MCMBP: variants seen among roughly 807,000 people sequenced by gnomAD.
MCMBP encodes minichromosome maintenance complex binding protein.
MCMBP carries 31 observed loss-of-function variants against 81.3 expected under a neutral mutation model. The observed-to-expected ratio is 0.38, with a 90% CI of 0.29 to 0.51. The LOEUF is 0.51. MCMBP is among the 20% of genes least tolerant of loss of function. The pLI is 0.87. For synonymous variants in MCMBP, 267 were observed against 275.9 expected (o/e 0.97, Z 0.32); for missense variants, 645 against 772.1 (o/e 0.84, Z 1.95).
At chr10:119,831,979 C>T (rs1319696627) in intron 15 of MCMBP, 33 bp downstream of exon 15, 3 of 1,577,778 alleles carry the variant, frequency 1.9e-6, no homozygotes, top group East Asian at 2.2e-5. Flanking sequence ...CACAAGCTTA[C>T]CGAAACAGCA....
intron 6 of MCMBP, among the ~76,000 whole-genome samples, chr10:119,850,747 T>TAAAAAAAAAAAAAAAAAAAGAAAA: frequency 8.5e-6 from 1 of 118,060 alleles, no homozygotes; most frequent in Non-Finnish European, 1.7e-5. Flanking sequence ...AGACTCCGTC[T>TAAAAAAAAAAAAAAAAAAAGAAAA]AAAAAAAAAA....
At chr10:119,834,797 G>C (rs1852178538) in intron 14 of MCMBP, among the ~76,000 whole-genome samples, 1 of 149,796 alleles carries the variant, frequency 6.7e-6, no homozygotes. Flanking sequence ...GGGGGGTTGA[G>C]GCTGCAGTGA....
chr10:119,838,744 T>C (rs765617004), intron 11 of MCMBP, 44 bp from the exon 12 acceptor site: 1 of 1,529,864 alleles, frequency 6.5e-7, no homozygotes, highest in African/African-American at 1.4e-5. Flanking sequence ...TAAGTTTCCC[T>C]GTTTTAAGAA....
chr10:119,858,090 T>C (rs1231874829), intron 4 of MCMBP: 1 of 152,238 alleles, frequency 6.6e-6, no homozygotes, highest in African/African-American at 2.4e-5. Flanking sequence ...TATTAATGAT[T>C]ACAGTATCCC....
At chr10:119,831,935 C>A in intron 15 of MCMBP, 77 bp downstream of exon 15, 1 of 1,354,480 alleles carries the variant, frequency 7.4e-7, no homozygotes, top group South Asian at 1.4e-5. Context: ...AGAATTCTGC[C>A]TCAGTTACTG....
At chr10:119,835,772 G>T in intron 13 of MCMBP, 68 bp from the exon 14 acceptor site, 2 of 1,501,916 alleles carry the variant, frequency 1.3e-6, no homozygotes, top group South Asian at 1.2e-5. Flanking sequence ...AAAGAAAGAT[G>T]CATCATCTCT....
intron 8 of MCMBP, among the ~76,000 whole-genome samples, chr10:119,846,100 C>T (rs750529030): frequency 5.9e-5 from 9 of 152,266 alleles, no homozygotes; most frequent in Middle Eastern, 3.4e-3. Context: ...CCAGTACCAA[C>T]GAGCACATCT....
In MCMBP at chr10:119,835,683, G is replaced by C; in HGVS notation, c.1564C>G (p.Gln522Glu). ...ATGTTTGGTGGAATTAGCTGGGGCT[G>C]TAAGTGAATCTGGCAGTCTGCCTGA... ...LLPADCQIHL[Q>E]PQLIPPNMEE... Residue 522 changes from glutamine to glutamate, a missense_variant, in exon 14 of 16, where the codon CAG becomes GAG. By Grantham distance (29) the Gln-to-Glu change is conservative. Transcript: ENST00000369077. 6.2e-7 allele frequency: 1 copy of C among 1,614,242 alleles called. No individual in the cohort carries two copies. Among genetic ancestry groups the C allele is most frequent in the Non-Finnish European group, 8.5e-7 (1 of 1,180,038 alleles).
chr10:119,864,651 T>G (rs1853388275), intron 1 of MCMBP, among the ~76,000 whole-genome samples: 1 of 152,154 alleles, frequency 6.6e-6, no homozygotes, highest in African/African-American at 2.4e-5. Flanking sequence ...TTTCATGGAT[T>G]TTTGTTCTCT....
rs180848431 is a variant in MCMBP at position 119,831,115 on chromosome 10, G to A, written c.*359C>T. 2.5e-3 allele frequency: 402 copies of A among 158,124 alleles called. 3 individuals are homozygous for A. Among genetic ancestry groups the A allele is most frequent in the Non-Finnish European group, 3.8e-3 (273 of 72,208 alleles). The allele number at this position is 158,124 out of a possible 1,614,324, so 9.8% of individuals were successfully genotyped here. A position where few individuals can be genotyped will look rare whatever the true frequency, so the allele number is the denominator to read the frequency against. ...GCACGATTCCTCTGACTTTGAAACT[G>A]CAACAACCTTCTTCATTTCAGCATT... On this transcript the variant is annotated 3_prime_UTR_variant, in exon 16 of 16. Transcript: ENST00000369077.
rs530283020 is a variant in MCMBP at position 119,839,492 on chromosome 10, T to C, written c.1243-792A>G. Among the ~76,000 whole-genome samples, 3 of 152,284 alleles carry C rather than the reference T, an allele frequency of 2.0e-5. No individual in the cohort carries two copies. The South Asian group carries it at 6.2e-4, about 32-fold the overall frequency. Reference sequence around the variant, plus strand: ...AGTGATTCTAAGAAAACGGGGAGCTTAGGGGTGCTTAAATGACCTACCATG... The same window carrying C: ...AGTGATTCTAAGAAAACGGGGAGCTCAGGGGTGCTTAAATGACCTACCATG... On this transcript the variant is annotated intron_variant, in intron 11 of 15. Transcript: ENST00000369077.
In MCMBP at chr10:119,866,192, A is replaced by G. The variant is rs926830504; in HGVS notation, c.59-6308T>C. ...GAAAAGAAGCCAGACCTCAAAGGCC[A>G]CATGTTGTATAATTCCACCTACACG... On this transcript the variant is annotated intron_variant, in intron 1 of 15. Transcript: ENST00000369077. Among the ~76,000 whole-genome samples, 24 of 152,328 alleles carry G rather than the reference A, an allele frequency of 1.6e-4. No individual in the cohort carries two copies. In the East Asian group the frequency reaches 4.6e-3, roughly 29 times the overall value.
In MCMBP at chr10:119,842,492, T is replaced by C; in HGVS notation, c.1104A>G (p.Ile368Met). The change falls in exon 10 of 16, where the codon ATA becomes ATG. Residue 368 changes from isoleucine (I) to methionine (M), a missense_variant. Ile to Met is a conservative substitution (Grantham distance 10, BLOSUM62 1). Coordinates refer to ENST00000369077, the MANE Select transcript of MCMBP (RefSeq NM_001256378.2). ...CTTACACTGTGGAGATGAGATGTAATATAAGGTATTCAGCAGCCAAACTAT... is the reference window on the plus strand; with the variant it reads ...CTTACACTGTGGAGATGAGATGTAACATAAGGTATTCAGCAGCCAAACTAT... ...LGDSLAAEYL[I>M]LHLISTVYTR... The C allele has an allele frequency of 6.2e-7, 1 of 1,613,598 alleles. No homozygotes were observed.
chr10:119,860,647 A>G (rs983630146), intron 1 of MCMBP, among the ~76,000 whole-genome samples: 1 of 152,204 alleles, frequency 6.6e-6, no homozygotes, highest in African/African-American at 2.4e-5. Context: ...TTTAGCTATC[A>G]GATCTCTTTA....
At chr10:119,849,799 T>TC (rs532925140) in intron 6 of MCMBP, among the ~76,000 whole-genome samples, 5 of 152,220 alleles carry the variant, frequency 3.3e-5, no homozygotes, top group African/African-American at 1.2e-4. Flanking sequence ...TACTTTTTTT[T>TC]CCCTTACTGT....
chr10:119,857,186 G>T, intron 5 of MCMBP, 152 bp downstream of exon 5: 1 of 484,250 alleles, frequency 2.1e-6, no homozygotes, highest in South Asian at 3.5e-5. Context: ...ATTACTCAGT[G>T]ACAAATACTT....
intron 12 of MCMBP, 21 bp downstream of exon 12, chr10:119,838,512 AAG>A: frequency 3.8e-6 from 6 of 1,593,298 alleles, no homozygotes; most frequent in Non-Finnish European, 4.3e-6. Flanking sequence ...TCAGAAATGG[AAG>A]AGAAACATCT....
chr10:119,831,928 A>G (rs1852058580), intron 15 of MCMBP, 84 bp downstream of exon 15: 1 of 1,326,402 alleles, frequency 7.5e-7, no homozygotes, highest in Non-Finnish European at 1.0e-6. Context: ...CGTTTTTAGA[A>G]TTCTGCCTCA....
intron 1 of MCMBP, among the ~76,000 whole-genome samples, chr10:119,866,200 T>C (rs1462812707): frequency 6.6e-6 from 1 of 152,130 alleles, no homozygotes; most frequent in African/African-American, 2.4e-5. Flanking sequence ...CCACATGTTG[T>C]ATAATTCCAC....
Sources: allele counts gnomAD v4.1 joint callset (sites outside exome capture counted in the v4.1 genomes callset), GRCh38; gene constraint gnomAD v4.1.1; transcripts MANE v1.5; gene names NCBI Gene and HGNC (gene_info 2026-07-23, HGNC 2026-07-21).